Variants in KLHL1 observed in about 807,000 individuals in gnomAD.
KLHL1 encodes the protein kelch like family member 1, also known as kelch-like protein 1.
KLHL1 carries 47 observed loss-of-function variants against 77.7 expected under a neutral mutation model. That is an observed-to-expected ratio of 0.60 (90% CI 0.48 to 0.77). The LOEUF (loss-of-function observed/expected upper bound fraction) is 0.77. Among genes scored for constraint, KLHL1 ranks in the 30% least tolerant of loss-of-function variants. The pLI, the probability that KLHL1 is intolerant of heterozygous loss-of-function variation, is 0.00. For missense variants in KLHL1, 925 were observed against 910.8 expected (o/e 1.02, Z -0.20); for synonymous variants, 360 against 325.2 (o/e 1.11, Z -1.15).
At chr13:70,100,409 C>A (rs575475358) in intron 1 of KLHL1, among the ~76,000 whole-genome samples, 3 of 151,776 alleles carry the variant, frequency 2.0e-5, no homozygotes, top group Non-Finnish European at 4.4e-5. Context: ...ATTTTTTTGT[C>A]GATTTCATCA....
intron 1 of KLHL1, among the ~76,000 whole-genome samples, chr13:70,006,353 T>C (rs973659496): frequency 1.3e-5 from 2 of 152,034 alleles, no homozygotes; most frequent in Admixed American, 6.6e-5. Flanking sequence ...TATTCTGTTA[T>C]TGAATTTGGT....
intron 1 of KLHL1, among the ~76,000 whole-genome samples, chr13:70,000,699 A>G (rs1351338537): frequency 6.6e-6 from 1 of 151,882 alleles, no homozygotes; most frequent in East Asian, 1.9e-4. Flanking sequence ...TAATTACTGA[A>G]CCTAGAAGTC....
intron 10 of KLHL1, among the ~76,000 whole-genome samples, chr13:69,704,126 A>G (rs1000744874): frequency 1.3e-5 from 2 of 151,618 alleles, no homozygotes; most frequent in African/African-American, 4.8e-5. Context: ...ATCTACATTT[A>G]TACCTCTATC....
chr13:69,810,311 TAAA>T (rs1010037413), intron 6 of KLHL1, among the ~76,000 whole-genome samples: 2 of 152,036 alleles, frequency 1.3e-5, no homozygotes, highest in African/African-American at 4.8e-5. Context: ...ATTGATAAAT[TAAA>T]AACAAATTTT....
intron 1 of KLHL1, among the ~76,000 whole-genome samples, chr13:70,023,692 G>T (rs1261420504): frequency 6.6e-6 from 1 of 151,850 alleles, no homozygotes; most frequent in Non-Finnish European, 1.5e-5. Flanking sequence ...AATCAATCAT[G>T]ACAGTGCTTC....
chr13:69,875,167 G>A (rs778917648), intron 5 of KLHL1, among the ~76,000 whole-genome samples: 2 of 152,052 alleles, frequency 1.3e-5, no homozygotes, highest in African/African-American at 4.8e-5. Context: ...GAGGAGTTTG[G>A]TGATTTTCAT....
intron 3 of KLHL1, among the ~76,000 whole-genome samples, chr13:69,952,982 T>C (rs1325202179): frequency 6.6e-6 from 1 of 151,340 alleles, no homozygotes; most frequent in Admixed American, 6.6e-5. Context: ...TTTTCAAAGA[T>C]GGTTATTATT....
intron 4 of KLHL1, among the ~76,000 whole-genome samples, chr13:69,914,404 C>T (rs546585136): frequency 5.9e-4 from 90 of 152,104 alleles, no homozygotes; most frequent in African/African-American, 2.0e-3. Flanking sequence ...GGAATAGACA[C>T]GCAAAAACTG....
chr13:70,025,733 A>T lies in KLHL1; in HGVS notation c.498-49931T>A, dbSNP rs906074796. ...ATGATATACATGTATTAAAATATGC[A>T]TGTTTTAAAAATATGTACAGGCATA... On this transcript the variant is annotated intron_variant, in intron 1 of 10. Coordinates refer to ENST00000377844, the MANE Select transcript of KLHL1 (RefSeq NM_020866.3). 2.6e-5 allele frequency among the ~76,000 whole-genome samples: 4 copies of T among 151,846 alleles called. No individual in the cohort carries two copies. The East Asian group carries it at 7.7e-4, about 29-fold the overall frequency.
intron 1 of KLHL1, among the ~76,000 whole-genome samples, chr13:70,099,553 A>G (rs1341431554): frequency 6.6e-6 from 1 of 152,030 alleles, no homozygotes; most frequent in South Asian, 2.1e-4. Flanking sequence ...AACAAACTCA[A>G]GAAGTATTTG....
intron 7 of KLHL1, among the ~76,000 whole-genome samples, chr13:69,773,546 A>C (rs1875680720): frequency 6.6e-6 from 1 of 151,998 alleles, no homozygotes; most frequent in Non-Finnish European, 1.5e-5. Context: ...TAGAATTGCT[A>C]ATCTAAATAT....
intron 5 of KLHL1, among the ~76,000 whole-genome samples, chr13:69,852,242 C>T (rs1879718634): frequency 6.6e-6 from 1 of 151,884 alleles, no homozygotes; most frequent in Non-Finnish European, 1.5e-5. Flanking sequence ...CACACTCCAT[C>T]CGGAATAGGT....
At chr13:69,981,220 A>G (rs1273386600) in intron 1 of KLHL1, among the ~76,000 whole-genome samples, 1 of 143,768 alleles carries the variant, frequency 7.0e-6, no homozygotes, top group Non-Finnish European at 1.5e-5. Context: ...CATTATGACA[A>G]TACTAAAATT....
intron 1 of KLHL1, among the ~76,000 whole-genome samples, chr13:69,981,082 C>T (rs573442798): frequency 6.6e-6 from 1 of 152,152 alleles, no homozygotes; most frequent in African/African-American, 2.4e-5. Flanking sequence ...ATGTTTGTGG[C>T]ATAAATTGTA....
At chr13:70,102,397 T>C (rs780361856) in intron 1 of KLHL1, among the ~76,000 whole-genome samples, 15 of 152,316 alleles carry the variant, frequency 9.8e-5, no homozygotes, top group Non-Finnish European at 1.6e-4. Context: ...AATAATAAGG[T>C]GTTTTCTAAC....
chr13:69,870,642 T>C (rs1880544951), intron 5 of KLHL1, among the ~76,000 whole-genome samples: 1 of 151,668 alleles, frequency 6.6e-6, no homozygotes, highest in Non-Finnish European at 1.5e-5. Context: ...AAAATATATA[T>C]ATATTATTTA....
intron 1 of KLHL1, among the ~76,000 whole-genome samples, chr13:70,012,151 G>T (rs1357532188): frequency 6.6e-6 from 1 of 152,018 alleles, no homozygotes; most frequent in Non-Finnish European, 1.5e-5. Context: ...ATGAGATTTG[G>T]GTGGGGACAC....
At chr13:69,851,391 C>T (rs1879684031) in intron 5 of KLHL1, among the ~76,000 whole-genome samples, 1 of 151,698 alleles carries the variant, frequency 6.6e-6, no homozygotes, top group Non-Finnish European at 1.5e-5. Context: ...GAGCCTGATG[C>T]AGACTCAAAA....
At chr13:69,799,245 C>T (rs980717068) in intron 6 of KLHL1, among the ~76,000 whole-genome samples, 1 of 152,178 alleles carries the variant, frequency 6.6e-6, no homozygotes, top group Non-Finnish European at 1.5e-5. Context: ...ACTTGAACAA[C>T]TGTACTTCCC....
Sources: allele counts gnomAD v4.1 joint callset (sites outside exome capture counted in the v4.1 genomes callset), GRCh38; gene constraint gnomAD v4.1.1; transcripts MANE v1.5; gene names NCBI Gene and HGNC (gene_info 2026-07-23, HGNC 2026-07-21).